Variants in ERICH3 observed in about 807,000 individuals in gnomAD.
ERICH3 encodes glutamate-rich protein 3.
A neutral mutation model predicts 131.1 loss-of-function variants in ERICH3; 126 were observed. The ratio of observed to expected loss-of-function variants is 0.96; its 90% CI spans 0.83 to 1.11. The LOEUF is 1.11. ERICH3 is among the 50% of genes most tolerant of loss of function. The probability of loss-of-function intolerance (pLI) is 0.00; values close to 1 mark genes in which losing one functional copy is unlikely to be tolerated. For missense variants in ERICH3, 2,050 were observed against 1,810.7 expected, an observed-to-expected ratio of 1.13 and a Z score of -2.40; for synonymous variants, 695 against 644.6, an observed-to-expected ratio of 1.08 and a Z score of -1.18.
intron 10 of ERICH3, among the ~76,000 whole-genome samples, chr1:74,600,962 C>T (rs1648103634): frequency 6.6e-6 from 1 of 151,580 alleles, no homozygotes; most frequent in Admixed American, 6.6e-5. Context: ...GTGAAAGAAA[C>T]TTAATCTAGA....
intron 13 of ERICH3, among the ~76,000 whole-genome samples, chr1:74,574,330 C>T (rs17095611): frequency 0.024 from 3,585 of 152,180 alleles, 149 homozygotes; most frequent in African/African-American, 0.082. Context: ...CTGTCTTCTG[C>T]ATGTGTTTCT....
rs1029650045 is a variant in ERICH3, at chr1:74,655,790, A to C, written c.24-6475T>G. Among the ~76,000 whole-genome samples, 8 of 152,280 alleles carry C rather than the reference A, an allele frequency of 5.3e-5. No homozygotes were observed. In the East Asian group the frequency reaches 1.5e-3, roughly 29 times the overall value. ...GATGCCAGGAGCAGAAACATTGGAC[A>C]CTGAATGTGATGGTGATTGGACTGT... On this transcript the variant is annotated intron_variant, in intron 1 of 14. Coordinates refer to ENST00000326665, the MANE Select transcript of ERICH3 (RefSeq NM_001002912.5).
chr1:74,646,536 A>G, intron 3 of ERICH3, 131 bp downstream of exon 3: 1 of 560,340 alleles, frequency 1.8e-6, no homozygotes, highest in Non-Finnish European at 2.7e-6. Context: ...TTCTAGGTAC[A>G]AAAGCATTAT....
chr1:74,573,050 TC>T lies in ERICH3; in HGVS notation c.2659del (p.Glu887ArgfsTer13). On this transcript the variant is annotated frameshift_variant, in exon 14 of 15. Coordinates refer to ENST00000326665, the MANE Select transcript of ERICH3 (RefSeq NM_001002912.5). LOFTEE classifies it high-confidence loss of function. Reference protein sequence around the residue: ...EKQALMLTVLETDKAASEGEQ... With the variant: ...EKQALMLTVLXTDKAASEGEQ... ...CCCTTCAGAAGCTGCTTTGTCTGTC[TC>T]AAGCACTGTGAGCATCAAGGCTTGC... 6.2e-7 allele frequency: 1 copy of T among 1,614,182 alleles called. No individual in the cohort carries two copies. Among genetic ancestry groups the T allele is most frequent in the Non-Finnish European group, 8.5e-7 (1 of 1,180,022 alleles).
intron 1 of ERICH3, among the ~76,000 whole-genome samples, chr1:74,672,376 A>T (rs896107403): frequency 9.8e-5 from 15 of 152,380 alleles, no homozygotes; most frequent in African/African-American, 3.1e-4. Context: ...TTATGTAATC[A>T]TAGCTATATC....
rs766243088 is a variant in ERICH3 at position 74,589,691 on chromosome 1, C to T, written c.2116G>A (p.Glu706Lys). 1 of 1,614,066 alleles carries T rather than the reference C, an allele frequency of 6.2e-7. No homozygotes were observed. Among genetic ancestry groups the T allele is most frequent in the South Asian group, 1.1e-5 (1 of 91,080 alleles). ...TCCTTCACCTGAGCAGTGCTTTCTT[C>T]CCAAAGCTTACTCTTATCCTTTTCC... ...EKEKDKSKLWEESTAQVKDKK... is the reference protein window; with the variant it reads ...EKEKDKSKLWKESTAQVKDKK... Residue 706 changes from glutamate (E) to lysine (K), a missense_variant, in exon 12 of 15, where the codon GAA (glutamate) becomes AAA (lysine). Glu to Lys is a moderately conservative substitution (Grantham distance 56, BLOSUM62 1). Transcript: ENST00000326665.
chr1:74,644,992 G>A (rs1458102612), intron 3 of ERICH3, among the ~76,000 whole-genome samples: 2 of 151,888 alleles, frequency 1.3e-5, no homozygotes, highest in South Asian at 2.1e-4. Context: ...CTCAGTGAGG[G>A]TTCCTTTCCA....
chr1:74,642,413 G>A (rs1307713861), intron 4 of ERICH3, among the ~76,000 whole-genome samples: 2 of 152,102 alleles, frequency 1.3e-5, no homozygotes, highest in Non-Finnish European at 2.9e-5. Context: ...TTAAGAAACT[G>A]AGTAAAACTG....
chr1:74,669,411 T>G lies in ERICH3; in HGVS notation c.23+4086A>C, dbSNP rs573600596. On this transcript the variant is annotated intron_variant, in intron 1 of 14. Transcript: ENST00000326665. ...TCTATTTACAGCCAAGTGTATCTTT[T>G]ACACAGAAAGCCAACTTGAGCCAGA... is the stretch of plus-strand genomic sequence containing the variant. Among the ~76,000 whole-genome samples, 15 of 152,308 alleles carry G rather than the reference T, an allele frequency of 9.8e-5. 1 individual carries two copies. The highest frequency in any genetic ancestry group is 7.8e-4 in the Admixed American group (12 of 15,300).
intron 5 of ERICH3, among the ~76,000 whole-genome samples, chr1:74,638,807 G>C (rs941364474): frequency 2.0e-5 from 3 of 152,076 alleles, no homozygotes; most frequent in African/African-American, 7.2e-5. Flanking sequence ...TCCAAACGGC[G>C]ATATACCATC....
rs889923352 is a variant in ERICH3, at chr1:74,649,146, G to A, written c.117+76C>T. ...GGGCAAGTGGAAGATGTCACTCAAA[G>A]AGAAAGCCTGAAAAGGTAGGGAATT... On this transcript the variant is annotated intron_variant, in intron 2 of 14. Transcript: ENST00000326665. 1.5e-5 allele frequency: 15 copies of A among 1,012,958 alleles called. No individual in the cohort carries two copies. In the African/African-American group the frequency reaches 2.1e-4, roughly 14 times the overall value. The allele number at this position is 1,012,958 out of a possible 1,614,324, so 62.7% of individuals were successfully genotyped here.
chr1:74,590,609 C>T (rs1219648439), intron 11 of ERICH3, among the ~76,000 whole-genome samples: 1 of 152,158 alleles, frequency 6.6e-6, no homozygotes, highest in African/African-American at 2.4e-5. Flanking sequence ...AGATGGACCT[C>T]AGGCAGTAAT....
chr1:74,660,620 G>GTA (rs946944116), intron 1 of ERICH3, among the ~76,000 whole-genome samples: 24 of 147,410 alleles, frequency 1.6e-4, no homozygotes, highest in African/African-American at 2.2e-4. Context: ...TATATAGTGT[G>GTA]TATATATATA....
At chr1:74,663,310 C>T (rs1401047671) in intron 1 of ERICH3, among the ~76,000 whole-genome samples, 1 of 152,088 alleles carries the variant, frequency 6.6e-6, no homozygotes, top group Non-Finnish European at 1.5e-5. Flanking sequence ...AAACAAGAAT[C>T]AGAGAAATTA....
At chr1:74,652,496 C>T (rs1039315776) in intron 1 of ERICH3, among the ~76,000 whole-genome samples, 11 of 152,080 alleles carry the variant, frequency 7.2e-5, no homozygotes, top group Admixed American at 5.2e-4. Flanking sequence ...TCTGAAATTC[C>T]ACCCTTTTCC....
chr1:74,602,800 C>T (rs991630947), intron 10 of ERICH3, among the ~76,000 whole-genome samples: 3 of 151,728 alleles, frequency 2.0e-5, no homozygotes, highest in Admixed American at 1.3e-4. Context: ...CTTTCATAAA[C>T]CACCATGCTT....
intron 3 of ERICH3, among the ~76,000 whole-genome samples, chr1:74,645,273 T>C (rs1200722129): frequency 6.6e-6 from 1 of 152,110 alleles, no homozygotes. Flanking sequence ...AAACCTGCAA[T>C]TATGGCTTGT....
chr1:74,650,461 T>C (rs935568460), intron 1 of ERICH3, among the ~76,000 whole-genome samples: 1 of 152,188 alleles, frequency 6.6e-6, no homozygotes, highest in Non-Finnish European at 1.5e-5. Flanking sequence ...CATAGACATA[T>C]ACATAGATGT....
intron 1 of ERICH3, among the ~76,000 whole-genome samples, chr1:74,651,514 A>G (rs1289759048): frequency 6.6e-6 from 1 of 152,138 alleles, no homozygotes; most frequent in African/African-American, 2.4e-5. Flanking sequence ...TCCTGTCTCC[A>G]AAAGGTCAAC....
Sources: allele counts gnomAD v4.1 joint callset (sites outside exome capture counted in the v4.1 genomes callset), GRCh38; gene constraint gnomAD v4.1.1; transcripts MANE v1.5; gene names NCBI Gene and HGNC (gene_info 2026-07-23, HGNC 2026-07-21).